FAT4: variants seen among roughly 807,000 people sequenced by gnomAD.
FAT4 encodes the protein protocadherin Fat 4.
FAT4 carries 84 observed loss-of-function variants against 303.9 expected under a neutral mutation model. The ratio of observed to expected loss-of-function variants is 0.28; its 90% CI spans 0.23 to 0.33. The LOEUF (loss-of-function observed/expected upper bound fraction) is 0.33, where lower values mean the gene tolerates loss of function less well. Among genes scored for constraint, FAT4 ranks in the 10% least tolerant of loss-of-function variants. FAT4 has a pLI of 1.00. For missense variants in FAT4, 6,005 were observed against 6,146.8 expected (o/e 0.98, Z 0.77); for synonymous variants, 2,307 against 2,298.8 (o/e 1.00, Z -0.10).
intron 12 of FAT4, among the ~76,000 whole-genome samples, chr4:125,472,253 G>C (rs1726890682): frequency 6.6e-6 from 1 of 152,018 alleles, no homozygotes. Context: ...TTGTATTTCT[G>C]ACTTCATGGC....
intron 17 of FAT4, among the ~76,000 whole-genome samples, chr4:125,487,927 A>G (rs1382436273): frequency 6.6e-6 from 1 of 152,194 alleles, no homozygotes; most frequent in Non-Finnish European, 1.5e-5. Flanking sequence ...AGCATTTCAT[A>G]TACATTTGTT....
chr4:125,412,098 T>C (rs547830954), intron 5 of FAT4, among the ~76,000 whole-genome samples: 2 of 151,904 alleles, frequency 1.3e-5, no homozygotes, highest in East Asian at 3.9e-4. Context: ...GTGTTTACTG[T>C]CTCATGGTTC....
chr4:125,488,294 T>C (rs1367764772), intron 17 of FAT4, among the ~76,000 whole-genome samples: 1 of 152,202 alleles, frequency 6.6e-6, no homozygotes, highest in Non-Finnish European at 1.5e-5. Flanking sequence ...TTCCTGACCA[T>C]GTTGCAGTTT....
intron 2 of FAT4, among the ~76,000 whole-genome samples, chr4:125,370,048 A>T (rs1320317037): frequency 6.6e-6 from 1 of 150,952 alleles, no homozygotes; most frequent in African/African-American, 2.4e-5. Context: ...TCCTTTTTCC[A>T]TTGGGCGTAT....
chr4:125,472,087 A>AG (rs1278302389), intron 12 of FAT4, among the ~76,000 whole-genome samples: 3 of 142,254 alleles, frequency 2.1e-5, no homozygotes, highest in Non-Finnish European at 1.5e-5. Flanking sequence ...AAAAAAAAAA[A>AG]AAGGGTAGTT....
intron 11 of FAT4, among the ~76,000 whole-genome samples, chr4:125,467,305 T>C (rs1726700360): frequency 6.6e-6 from 1 of 152,170 alleles, no homozygotes; most frequent in South Asian, 2.1e-4. Context: ...TTAAATACTC[T>C]ATAAAATAAT....
chr4:125,391,745 A>T (rs1733986118), intron 2 of FAT4, among the ~76,000 whole-genome samples: 1 of 152,220 alleles, frequency 6.6e-6, no homozygotes, highest in Admixed American at 6.6e-5. Flanking sequence ...AAAATTATAT[A>T]TGATAGCATG....
intron 7 of FAT4, among the ~76,000 whole-genome samples, chr4:125,433,082 C>T (rs1274179516): frequency 6.6e-6 from 1 of 152,020 alleles, no homozygotes; most frequent in African/African-American, 2.4e-5. Flanking sequence ...AATCTAAGAA[C>T]ATAGAAGAAT....
At chr4:125,368,494 T>C (rs140782952) in intron 2 of FAT4, among the ~76,000 whole-genome samples, 8,906 of 144,650 alleles carry the variant, frequency 0.062, 403 homozygotes, top group East Asian at 0.19. Flanking sequence ...AGGATATATA[T>C]ATATATGTAT....
At chr4:125,420,694 A>C (rs1735254831) in intron 7 of FAT4, among the ~76,000 whole-genome samples, 1 of 152,204 alleles carries the variant, frequency 6.6e-6, no homozygotes, top group Non-Finnish European at 1.5e-5. Flanking sequence ...GTAAGGACCC[A>C]GTGAAGCATT....
intron 7 of FAT4, among the ~76,000 whole-genome samples, chr4:125,422,810 A>C (rs1296057251): frequency 6.6e-6 from 1 of 152,170 alleles, no homozygotes; most frequent in Non-Finnish European, 1.5e-5. Context: ...TCAGAATAAG[A>C]GAGAAAAATG....
chr4:125,454,755 C>A (rs1261504093), intron 10 of FAT4, among the ~76,000 whole-genome samples: 2 of 152,156 alleles, frequency 1.3e-5, no homozygotes, highest in Non-Finnish European at 2.9e-5. Context: ...ATTGCTGGAA[C>A]CCGGGAGATG....
rs750987446 is a variant in FAT4, at chr4:125,489,928, T to C, written c.13112T>C (p.Met4371Thr). ...TAGFDGCIAS[M>T]WYGGESLPFS... ...GGTTTTGATGGCTGCATTGCTTCTA[T>C]GTGGTATGGTGGAGAAAGTCTTCCT... is the stretch of plus-strand genomic sequence containing the variant. Residue 4371 changes from methionine to threonine, a missense_variant, in exon 18 of 18, where the codon ATG (methionine) becomes ACG (threonine). Coordinates refer to ENST00000394329, the MANE Select transcript of FAT4 (RefSeq NM_001291303.3). 2 of 1,604,284 alleles carry C rather than the reference T, an allele frequency of 1.2e-6. No individual in the cohort carries two copies. Among genetic ancestry groups the C allele is most frequent in the South Asian group, 1.1e-5 (1 of 90,676 alleles).
chr4:125,483,746 A>G (rs1727307378), intron 16 of FAT4, among the ~76,000 whole-genome samples: 1 of 152,136 alleles, frequency 6.6e-6, no homozygotes, highest in African/African-American at 2.4e-5. Context: ...TGGCAGGTAA[A>G]GAGAATAGGT....
chr4:125,429,046 A>G (rs1359038130), intron 7 of FAT4, among the ~76,000 whole-genome samples: 6 of 152,152 alleles, frequency 3.9e-5, no homozygotes, highest in South Asian at 2.1e-4. Context: ...TGAGCTAAAC[A>G]TTGGCCCTAG....
intron 2 of FAT4, among the ~76,000 whole-genome samples, chr4:125,386,964 G>A (rs965170021): frequency 6.6e-6 from 1 of 152,108 alleles, no homozygotes; most frequent in Non-Finnish European, 1.5e-5. Flanking sequence ...AGGCCATCAG[G>A]CATTAGATTC....
intron 11 of FAT4, among the ~76,000 whole-genome samples, chr4:125,464,437 C>T (rs1163133420): frequency 6.6e-6 from 1 of 150,552 alleles, no homozygotes; most frequent in East Asian, 1.9e-4. Context: ...TTTTTAAAGG[C>T]TGCTTTACAC....
chr4:125,438,495 G>A (rs1725536046), intron 8 of FAT4, among the ~76,000 whole-genome samples: 1 of 152,002 alleles, frequency 6.6e-6, no homozygotes, highest in Non-Finnish European at 1.5e-5. Flanking sequence ...TTTAACATGA[G>A]AATTAACATT....
In FAT4 at chr4:125,318,655, A is replaced by T; in HGVS notation, c.2244A>T (p.Arg748Ser). ...VNAQSGVIST[R>S]MALDREEKTA... is the part of the protein sequence containing the mutation. ...CTCAGAGTGGGGTTATTTCTACAAG[A>T]ATGGCCCTAGACAGAGAAGAAAAAA... Residue 748 changes from arginine to serine, a missense_variant, in exon 2 of 18, where the codon AGA (arginine) becomes AGT (serine). Physicochemically the swap from Arg to Ser is moderately radical, Grantham distance 110. Transcript: ENST00000394329. 1 of 1,614,122 alleles carries T rather than the reference A, an allele frequency of 6.2e-7. No individual in the cohort carries two copies. The highest frequency in any genetic ancestry group is 2.2e-5 in the East Asian group (1 of 44,872).
Sources: allele counts gnomAD v4.1 joint callset (sites outside exome capture counted in the v4.1 genomes callset), GRCh38; gene constraint gnomAD v4.1.1; transcripts MANE v1.5; gene names NCBI Gene and HGNC (gene_info 2026-07-23, HGNC 2026-07-21).